The following SCN10A variants were observed in gnomAD, a reference collection of about 807,000 sequenced individuals.
The protein encoded by SCN10A is sodium voltage-gated channel alpha subunit 10, also known as sodium channel protein type 10 subunit alpha.
SCN10A carries 162 observed loss-of-function variants against 170.7 expected under a neutral mutation model. The observed-to-expected ratio is 0.95, with a 90% CI of 0.84 to 1.08. SCN10A has a LOEUF of 1.08. SCN10A is among the 50% of genes least tolerant of loss of function. The probability of loss-of-function intolerance (pLI) is 0.00; values close to 1 mark genes in which losing one functional copy is unlikely to be tolerated. For missense variants in SCN10A, 2,527 were observed against 2,436.9 expected, an observed-to-expected ratio of 1.04 and a Z score of -0.78; for synonymous variants, 985 against 904.6, an observed-to-expected ratio of 1.09 and a Z score of -1.59.
chr3:38,714,515 T>A (rs528588768), intron 21 of SCN10A, among the ~76,000 whole-genome samples: 2 of 152,320 alleles, frequency 1.3e-5, no homozygotes, highest in South Asian at 4.1e-4. Flanking sequence ...TTATATTTGC[T>A]CAGAGAAGTG....
At chr3:38,787,469 G>A (rs1411697928) in intron 4 of SCN10A, among the ~76,000 whole-genome samples, 2 of 151,342 alleles carry the variant, frequency 1.3e-5, no homozygotes, top group Non-Finnish European at 2.9e-5. Flanking sequence ...TTACATCTTC[G>A]GTACTTTTTT....
intron 3 of SCN10A, 103 bp from the exon 4 acceptor site, chr3:38,789,139 T>C: frequency 4.1e-6 from 3 of 728,372 alleles, no homozygotes; most frequent in South Asian, 1.6e-5. Context: ...TCTTAGCCAA[T>C]ATTAGCTTTA....
At chr3:38,761,054 T>G in intron 7 of SCN10A, 138 bp downstream of exon 7, 1 of 710,820 alleles carries the variant, frequency 1.4e-6, no homozygotes. Context: ...AAAACACAAC[T>G]CAAGAGAACC....
At chr3:38,759,847 C>T (rs2063849218) in intron 8 of SCN10A, among the ~76,000 whole-genome samples, 1 of 152,190 alleles carries the variant, frequency 6.6e-6, no homozygotes, top group African/African-American at 2.4e-5. Flanking sequence ...CCTAGGTTCC[C>T]TCCTGGCCCA....
In SCN10A at chr3:38,792,081, T is replaced by C; in HGVS notation, c.358A>G (p.Arg120Gly). Residue 120 changes from arginine (R) to glycine (G), a missense_variant, in exon 3 of 28, where the codon AGA becomes GGA. Arg to Gly is a moderately radical substitution (Grantham distance 125). Transcript: ENST00000449082. ...LWLFSPFNLI[R>G]RTAIKVSVHS... Reference sequence around the variant, plus strand: ...ACAGACACTTTGATGGCCGTTCTTCTGATCAGGTTGAAAGGACTGAATAGC... The same window carrying C: ...ACAGACACTTTGATGGCCGTTCTTCCGATCAGGTTGAAAGGACTGAATAGC... The C allele has an allele frequency of 3.1e-6, 5 of 1,613,828 alleles. No homozygotes were observed. Among genetic ancestry groups the C allele is most frequent in the Non-Finnish European group, 3.4e-6 (4 of 1,179,810 alleles).
chr3:38,740,244 A>G (rs1257531550), intron 14 of SCN10A, among the ~76,000 whole-genome samples: 1 of 152,232 alleles, frequency 6.6e-6, no homozygotes, highest in Non-Finnish European at 1.5e-5. Flanking sequence ...CATTGCCTCT[A>G]AGATTCTTTT....
At chr3:38,814,700 C>T (rs921246692) in intron 1 of SCN10A, among the ~76,000 whole-genome samples, 1 of 152,118 alleles carries the variant, frequency 6.6e-6, no homozygotes, top group Non-Finnish European at 1.5e-5. Context: ...AATTTATATG[C>T]TCATTTATTA....
intron 6 of SCN10A, among the ~76,000 whole-genome samples, chr3:38,761,863 AGAAAGAG>A (rs2063878344): frequency 6.7e-6 from 1 of 148,740 alleles, no homozygotes; most frequent in East Asian, 2.0e-4. Flanking sequence ...AGAGAGAGAG[AGAAAGAG>A]AGAGAGAGAG....
At chr3:38,742,876 T>G (rs2063649063) in intron 13 of SCN10A, among the ~76,000 whole-genome samples, 1 of 152,164 alleles carries the variant, frequency 6.6e-6, no homozygotes, top group Non-Finnish European at 1.5e-5. Context: ...GCCCCTCTCC[T>G]CCTTCATTGT....
intron 26 of SCN10A, among the ~76,000 whole-genome samples, chr3:38,704,026 A>G (rs1293104572): frequency 1.3e-5 from 2 of 152,228 alleles, no homozygotes; most frequent in Non-Finnish European, 2.9e-5. Context: ...ACTAAATTCA[A>G]TTCTGTACCA....
At chr3:38,776,895 C>A (rs547072501) in intron 4 of SCN10A, among the ~76,000 whole-genome samples, 1 of 152,078 alleles carries the variant, frequency 6.6e-6, no homozygotes, top group African/African-American at 2.4e-5. Context: ...ACTAACAAAC[C>A]TGTTAGTTTA....
At chr3:38,799,104 G>A (rs890505621) in intron 1 of SCN10A, among the ~76,000 whole-genome samples, 5 of 152,098 alleles carry the variant, frequency 3.3e-5, no homozygotes, top group African/African-American at 1.2e-4. Flanking sequence ...TTAATATCAG[G>A]TGGGAGGGGT....
intron 15 of SCN10A, among the ~76,000 whole-genome samples, chr3:38,734,383 A>G (rs1207134707): frequency 6.6e-6 from 1 of 152,202 alleles, no homozygotes; most frequent in Non-Finnish European, 1.5e-5. Context: ...CCTGGCAAGG[A>G]CAATGAAAGT....
chr3:38,790,865 A>T (rs1198930127), intron 3 of SCN10A, among the ~76,000 whole-genome samples: 1 of 152,176 alleles, frequency 6.6e-6, no homozygotes, highest in African/African-American at 2.4e-5. Flanking sequence ...GAGAGACTGT[A>T]TTGTCATTAA....
At position 38,705,495 on chromosome 3, in the gene SCN10A, T is replaced by C. The variant is rs547139370; in HGVS notation, c.4386+1784A>G. 5.9e-5 allele frequency among the ~76,000 whole-genome samples: 9 copies of C among 152,326 alleles called. No homozygotes were observed. The East Asian group carries it at 1.5e-3, about 26-fold the overall frequency. Reference sequence around the variant, plus strand: ...TGTTGCAGGTCTTCCTGCCTGACCATCAACTCCGTCTCCCACTCCTATTTA... The same window carrying C: ...TGTTGCAGGTCTTCCTGCCTGACCACCAACTCCGTCTCCCACTCCTATTTA... On this transcript the variant is annotated intron_variant, in intron 26 of 27. Transcript: ENST00000449082.
chr3:38,759,803 C>T (rs1162302664), intron 8 of SCN10A, among the ~76,000 whole-genome samples: 2 of 152,204 alleles, frequency 1.3e-5, no homozygotes, highest in East Asian at 3.9e-4. Flanking sequence ...AGCAGTGGGG[C>T]TGTCCCCTTT....
chr3:38,794,547 G>T (rs557089187), intron 1 of SCN10A, among the ~76,000 whole-genome samples: 1 of 152,318 alleles, frequency 6.6e-6, no homozygotes, highest in South Asian at 2.1e-4. Flanking sequence ...GATTATTGGA[G>T]AATTTCATTG....
At chr3:38,746,790 A>G (rs2063695276) in intron 13 of SCN10A, among the ~76,000 whole-genome samples, 1 of 152,142 alleles carries the variant, frequency 6.6e-6, no homozygotes, top group Non-Finnish European at 1.5e-5. Context: ...AGTATCCTGC[A>G]CTTCCTCTTT....
intron 1 of SCN10A, among the ~76,000 whole-genome samples, chr3:38,796,858 T>G (rs1445854338): frequency 1.3e-5 from 2 of 152,120 alleles, no homozygotes; most frequent in Non-Finnish European, 2.9e-5. Context: ...TTCTACCAAA[T>G]TGTAAGCTCA....
Sources: gnomAD v4.1 joint callset for allele counts (sites outside exome capture counted in the v4.1 genomes callset) on GRCh38, gnomAD v4.1.1 for gene constraint, MANE v1.5 for transcripts, NCBI Gene and HGNC (gene_info 2026-07-23, HGNC 2026-07-21) for gene names.